Variants in MCTP1 observed in about 807,000 individuals in gnomAD.
MCTP1 encodes the protein multiple C2 and transmembrane domain containing 1, also known as multiple C2 and transmembrane domain-containing protein 1.
A neutral mutation model predicts 120.6 loss-of-function variants in MCTP1; 69 were observed. That is an observed-to-expected ratio of 0.57 (90% confidence interval 0.47 to 0.70). The LOEUF (loss-of-function observed/expected upper bound fraction) is 0.70. Among genes scored for constraint, MCTP1 ranks in the 30% least tolerant of loss-of-function variants. MCTP1 has a pLI of 0.00. For synonymous variants in MCTP1, 529 were observed against 493.1 expected (o/e 1.07, Z -0.96); for missense variants, 1,203 against 1,248.8 (o/e 0.96, Z 0.55).
At chr5:94,711,144 G>C (rs1175478951) in intron 20 of MCTP1, among the ~76,000 whole-genome samples, 1 of 152,050 alleles carries the variant, frequency 6.6e-6, no homozygotes, top group Non-Finnish European at 1.5e-5. Context: ...ACCTCCTCCA[G>C]ATTGTTCCAG....
Position 94,873,150 on chromosome 5 carries a change from T to C in MCTP1, c.2025A>G (p.Lys675=). 1 of 1,590,008 alleles carries C rather than the reference T, an allele frequency of 6.3e-7. No individual in the cohort carries two copies. The highest frequency in any genetic ancestry group is 8.6e-7 in the Non-Finnish European group (1 of 1,158,778). Residue 675 remains lysine, a synonymous_variant, in exon 13 of 23, where the codon AAA becomes AAG. Transcript: ENST00000515393. The stretch of plus-strand genomic sequence containing the variant: ...AAATGCCTACTTACAACGTGAAGAC[T>C]TTATTCCACTCAGGATTGAGATTTT... The part of the protein sequence containing the change: ...VYKNLNPEWN[K]VFTFNIKDIH...
intron 12 of MCTP1, among the ~76,000 whole-genome samples, chr5:94,885,986 T>A (rs1581190032): frequency 6.6e-6 from 1 of 152,194 alleles, no homozygotes; most frequent in African/African-American, 2.4e-5. Flanking sequence ...ATCTCTTTTT[T>A]AAATCTGTAT....
intron 1 of MCTP1, among the ~76,000 whole-genome samples, chr5:95,243,621 TG>T (rs1222627963): frequency 6.6e-6 from 1 of 152,190 alleles, no homozygotes; most frequent in African/African-American, 2.4e-5. Flanking sequence ...TGGCTCTAGT[TG>T]GAGAACACGT....
At chr5:95,227,986 T>C (rs905503151) in intron 1 of MCTP1, among the ~76,000 whole-genome samples, 5 of 152,166 alleles carry the variant, frequency 3.3e-5, no homozygotes, top group Admixed American at 6.5e-5. Context: ...ATTAAAATAC[T>C]TAAATTATAC....
intron 19 of MCTP1, among the ~76,000 whole-genome samples, chr5:94,735,857 C>T (rs1455488980): frequency 2.0e-5 from 3 of 152,042 alleles, no homozygotes; most frequent in Non-Finnish European, 4.4e-5. Flanking sequence ...ATAAATGTGT[C>T]TATTTTATTC....
chr5:95,047,250 A>T (rs1744790918), intron 1 of MCTP1, among the ~76,000 whole-genome samples: 1 of 152,098 alleles, frequency 6.6e-6, no homozygotes, highest in Non-Finnish European at 1.5e-5. Context: ...AGCCTCTACC[A>T]CTATGGCCTT....
At chr5:95,212,914 A>G (rs1752570824) in intron 1 of MCTP1, among the ~76,000 whole-genome samples, 1 of 152,220 alleles carries the variant, frequency 6.6e-6, no homozygotes, top group South Asian at 2.1e-4. Flanking sequence ...ATCATACTGA[A>G]TGGGCAAAAA....
At chr5:95,283,534 G>T (rs76341354) in intron 1 of MCTP1, among the ~76,000 whole-genome samples, 45 of 152,346 alleles carry the variant, frequency 3.0e-4, no homozygotes, top group Non-Finnish European at 5.1e-4. Context: ...CTTTTGCCAA[G>T]ATGAGATTTG....
chr5:94,918,334 T>G (rs1810662629), intron 7 of MCTP1, among the ~76,000 whole-genome samples: 3 of 152,222 alleles, frequency 2.0e-5, no homozygotes, highest in African/African-American at 7.2e-5. Context: ...TTTCCAAGTC[T>G]GCTGCTTCAA....
At chr5:95,072,264 G>A (rs1264961517) in intron 1 of MCTP1, among the ~76,000 whole-genome samples, 1 of 152,096 alleles carries the variant, frequency 6.6e-6, no homozygotes, top group Admixed American at 6.5e-5. Flanking sequence ...TGGTTCTGGA[G>A]TACAGTAAGT....
At chr5:94,760,896 G>A (rs1033294550) in intron 19 of MCTP1, among the ~76,000 whole-genome samples, 2 of 152,070 alleles carry the variant, frequency 1.3e-5, no homozygotes, top group Admixed American at 6.6e-5. Flanking sequence ...TGTCACCCAA[G>A]CTGGTCTCCA....
chr5:95,160,691 T>C lies in MCTP1; in HGVS notation c.720+123165A>G, dbSNP rs150118755. Among the ~76,000 whole-genome samples the C allele has an allele frequency of 5.0e-3, 758 of 151,844 alleles. 5 individuals are homozygous for C. Among genetic ancestry groups the C allele is most frequent in the African/African-American group, 0.017 (723 of 41,426 alleles). On this transcript the variant is annotated intron_variant, in intron 1 of 22. Transcript: ENST00000515393. The stretch of plus-strand genomic sequence containing the variant: ...ACAAACCATGGAGTGGGAGAAAATA[T>C]TTGCAAACCATATGTCTAATAAGGG...
In MCTP1 at chr5:94,976,340, AC is replaced by A. The variant is rs1402715843; in HGVS notation, c.839-22980del. 3.3e-5 allele frequency among the ~76,000 whole-genome samples: 5 copies of A among 152,154 alleles called. 1 individual carries two copies. In the East Asian group the frequency reaches 9.7e-4, roughly 29 times the overall value. On this transcript the variant is annotated intron_variant, in intron 2 of 22. Transcript: ENST00000515393. ...GTGGCGGGCACCTGTAATCCCAGCT[AC>A]TAGGGAGGCTGAGGCAGGAGAATTG...
Position 94,707,521 on chromosome 5 carries a change from T to A in MCTP1, c.2975A>T (p.Lys992Ile). 1 of 1,611,926 alleles carries A rather than the reference T, an allele frequency of 6.2e-7. No homozygotes were observed. Among genetic ancestry groups the A allele is most frequent in the Non-Finnish European group, 8.5e-7 (1 of 1,178,536 alleles). Residue 992 changes from lysine to isoleucine, a missense_variant, in exon 23 of 23, where the codon AAA (lysine) becomes ATA (isoleucine). Around this residue, in one of 2 missense-constraint regions of MCTP1, gnomAD observed 740 missense variants for 871.1 expected, o/e 0.85. Transcript: ENST00000515393. ...CTAGCCAAGATTGTTTTTCTTTCTT[T>A]TATATGGGCTATGAGAAGGATCTGG... ...LKPDPSHSPY[K>I]RKKNNLG
intron 10 of MCTP1, among the ~76,000 whole-genome samples, chr5:94,899,194 T>C (rs1218911262): frequency 2.0e-5 from 3 of 152,230 alleles, no homozygotes; most frequent in African/African-American, 4.8e-5. Context: ...GCAGCTCTCC[T>C]GACATCTGTT....
chr5:94,777,252 T>C (rs1775571657), intron 19 of MCTP1, among the ~76,000 whole-genome samples: 1 of 152,110 alleles, frequency 6.6e-6, no homozygotes, highest in Admixed American at 6.6e-5. Flanking sequence ...AGAAGCAGGG[T>C]GTCAATTTCA....
intron 1 of MCTP1, among the ~76,000 whole-genome samples, chr5:95,181,497 G>T (rs936437049): frequency 6.6e-6 from 1 of 152,128 alleles, no homozygotes; most frequent in African/African-American, 2.4e-5. Flanking sequence ...TTATATAAAA[G>T]AGCACTTCCT....
chr5:95,014,552 A>G (rs932339648), intron 2 of MCTP1, among the ~76,000 whole-genome samples: 1 of 152,128 alleles, frequency 6.6e-6, no homozygotes, highest in African/African-American at 2.4e-5. Flanking sequence ...TTGAGAACGA[A>G]TCTTCTCATG....
At chr5:95,182,654 C>T (rs1460743970) in intron 1 of MCTP1, among the ~76,000 whole-genome samples, 1 of 151,972 alleles carries the variant, frequency 6.6e-6, no homozygotes, top group Non-Finnish European at 1.5e-5. Flanking sequence ...TTTACAGTCC[C>T]ACACCACTGT....
Sources: gnomAD v4.1 joint callset for allele counts (sites outside exome capture counted in the v4.1 genomes callset) on GRCh38, gnomAD v4.1.1 for gene constraint, gnomAD v4.1.1 regional missense constraint, MANE v1.5 for transcripts, NCBI Gene and HGNC (gene_info 2026-07-23, HGNC 2026-07-21) for gene names.